CFAP299: variants seen among roughly 807,000 people sequenced by gnomAD.
The protein encoded by CFAP299 is cilia- and flagella-associated protein 299.
CFAP299 carries 21 observed loss-of-function variants against 27.0 expected under a neutral mutation model. The observed-to-expected ratio is 0.78, with a 90% confidence interval of 0.55 to 1.12. The LOEUF is 1.12. CFAP299 is among the 50% of genes most tolerant of loss of function. The pLI, the probability that CFAP299 is intolerant of heterozygous loss-of-function variation, is 0.00. For synonymous variants in CFAP299, 104 were observed against 98.1 expected (o/e 1.06, Z -0.36); for missense variants, 310 against 276.6 (o/e 1.12, Z -0.86).
chr4:80,821,229 T>A (rs1468046662), intron 3 of CFAP299, among the ~76,000 whole-genome samples: 1 of 152,208 alleles, frequency 6.6e-6, no homozygotes, highest in Non-Finnish European at 1.5e-5. Flanking sequence ...TTCCTGTGCA[T>A]TATAATTTAG....
intron 2 of CFAP299, among the ~76,000 whole-genome samples, chr4:80,496,635 C>T (rs1446288169): frequency 6.6e-6 from 1 of 152,232 alleles, no homozygotes; most frequent in Non-Finnish European, 1.5e-5. Flanking sequence ...TCCAAAGCTG[C>T]TTTCACATTT....
At chr4:80,819,756 C>G (rs1729604649) in intron 3 of CFAP299, among the ~76,000 whole-genome samples, 2 of 152,048 alleles carry the variant, frequency 1.3e-5, no homozygotes, top group Admixed American at 1.3e-4. Context: ...TCAGTAAGTA[C>G]TATGAGATCC....
intron 3 of CFAP299, among the ~76,000 whole-genome samples, chr4:80,796,936 G>A (rs1286911448): frequency 6.6e-6 from 1 of 152,156 alleles, no homozygotes; most frequent in African/African-American, 2.4e-5. Context: ...ATGCCAATTA[G>A]ACATTCTGGC....
intron 4 of CFAP299, among the ~76,000 whole-genome samples, chr4:80,937,312 C>CTTTTTTTTTCTTTTTTTTTTTT (rs1736953396): frequency 1.5e-5 from 1 of 68,688 alleles, no homozygotes; most frequent in African/African-American, 6.6e-5. Flanking sequence ...TTTTTTCTTT[C>CTTTTTTTTTCTTTTTTTTTTTT]TTTTTTTTTT....
At chr4:80,851,943 C>T (rs911744028) in intron 3 of CFAP299, among the ~76,000 whole-genome samples, 6 of 152,056 alleles carry the variant, frequency 3.9e-5, no homozygotes, top group African/African-American at 1.2e-4. Flanking sequence ...TATTGATCTG[C>T]GATTGTACTA....
chr4:80,512,804 A>G (rs1007863666), intron 2 of CFAP299, among the ~76,000 whole-genome samples: 4 of 152,122 alleles, frequency 2.6e-5, no homozygotes, highest in African/African-American at 9.7e-5. Flanking sequence ...AACTTCAATT[A>G]TATATATTAC....
chr4:80,701,019 G>A (rs1721442416), intron 3 of CFAP299, among the ~76,000 whole-genome samples: 1 of 152,076 alleles, frequency 6.6e-6, no homozygotes, highest in South Asian at 2.1e-4. Flanking sequence ...AGCATGAGGT[G>A]TAAGAGGCTA....
chr4:80,689,619 C>A (rs2200478), intron 3 of CFAP299, among the ~76,000 whole-genome samples: 2 of 152,104 alleles, frequency 1.3e-5, no homozygotes, highest in Non-Finnish European at 2.9e-5. Flanking sequence ...TGAGACTAGG[C>A]AGAAACTGCA....
chr4:80,565,823 A>G (rs1263550066), intron 2 of CFAP299, among the ~76,000 whole-genome samples: 1 of 152,096 alleles, frequency 6.6e-6, no homozygotes, highest in East Asian at 1.9e-4. Context: ...TTGAAACTAT[A>G]TTTGTGATAA....
At chr4:80,906,469 C>T (rs748996929) in intron 4 of CFAP299, among the ~76,000 whole-genome samples, 1 of 152,180 alleles carries the variant, frequency 6.6e-6, no homozygotes, top group African/African-American at 2.4e-5. Flanking sequence ...TAGGCAGTGC[C>T]CTTATGTGTG....
chr4:80,516,797 G>A (rs1732612483), intron 2 of CFAP299, among the ~76,000 whole-genome samples: 1 of 152,102 alleles, frequency 6.6e-6, no homozygotes, highest in African/African-American at 2.4e-5. Flanking sequence ...AAGCTTGTGA[G>A]GAGCCCTGGC....
chr4:80,408,013 G>C (rs1434952869), intron 2 of CFAP299, among the ~76,000 whole-genome samples: 1 of 152,128 alleles, frequency 6.6e-6, no homozygotes, highest in Non-Finnish European at 1.5e-5. Context: ...ATAACATTCT[G>C]TTGAATATAC....
intron 3 of CFAP299, among the ~76,000 whole-genome samples, chr4:80,622,223 C>T (rs1028796099): frequency 6.6e-6 from 1 of 152,074 alleles, no homozygotes; most frequent in Non-Finnish European, 1.5e-5. Flanking sequence ...ATTGGGAGAG[C>T]TTGCAATAGT....
chr4:80,634,304 A>G (rs987629675), intron 3 of CFAP299, among the ~76,000 whole-genome samples: 3 of 152,130 alleles, frequency 2.0e-5, no homozygotes, highest in Non-Finnish European at 2.9e-5. Flanking sequence ...GAGGTAGCAC[A>G]GCATGGTGGC....
At chr4:80,681,647 A>G (rs1719852326) in intron 3 of CFAP299, among the ~76,000 whole-genome samples, 1 of 152,172 alleles carries the variant, frequency 6.6e-6, no homozygotes, top group South Asian at 2.1e-4. Flanking sequence ...AAAAAAGGAG[A>G]AGCATAAAAA....
At chr4:80,426,595 C>T (rs1416145795) in intron 2 of CFAP299, among the ~76,000 whole-genome samples, 2 of 152,184 alleles carry the variant, frequency 1.3e-5, no homozygotes, top group Non-Finnish European at 2.9e-5. Context: ...ATTCTTGGGT[C>T]GTCCAGCCCT....
chr4:80,472,978 A>G (rs1489152131), intron 2 of CFAP299, among the ~76,000 whole-genome samples: 1 of 152,200 alleles, frequency 6.6e-6, no homozygotes, highest in East Asian at 1.9e-4. Flanking sequence ...GAATCATGAC[A>G]AAAATGATTA....
rs1229250308 is a variant in CFAP299, at chr4:80,731,220, A to G, written c.334-138773A>G. 2.0e-5 allele frequency among the ~76,000 whole-genome samples: 3 copies of G among 152,296 alleles called. No individual in the cohort carries two copies. The East Asian group carries it at 5.8e-4, about 29-fold the overall frequency. On this transcript the variant is annotated intron_variant, in intron 3 of 5. Coordinates refer to ENST00000358105, the MANE Select transcript of CFAP299 (RefSeq NM_152770.3). ...ATTTTAACTTCTGATGAAAATTTTA[A>G]AATGCCATATCAACTCACATACTGA...
intron 1 of CFAP299, among the ~76,000 whole-genome samples, chr4:80,362,237 T>C (rs1345648671): frequency 6.6e-6 from 1 of 151,922 alleles, no homozygotes; most frequent in African/African-American, 2.4e-5. Flanking sequence ...ATTCATCTGC[T>C]CCTCTTTATT....
Sources: allele counts gnomAD v4.1 joint callset (sites outside exome capture counted in the v4.1 genomes callset), GRCh38; gene constraint gnomAD v4.1.1; transcripts MANE v1.5; gene names NCBI Gene and HGNC (gene_info 2026-07-23, HGNC 2026-07-21).